Variants in SNTA1 observed in about 807,000 individuals in gnomAD.
SNTA1 encodes the protein alpha-1-syntrophin.
Under a neutral mutation model 47.1 loss-of-function variants are expected in SNTA1, and 31 were observed. The observed-to-expected ratio is 0.66, with a 90% confidence interval of 0.49 to 0.89. SNTA1 has a LOEUF of 0.89. SNTA1 is among the 40% of genes least tolerant of loss of function. The pLI is 0.00. For synonymous variants in SNTA1, 300 were observed against 313.6 expected, an observed-to-expected ratio of 0.96 and a Z score of 0.46; for missense variants, 575 against 693.0, an observed-to-expected ratio of 0.83 and a Z score of 1.91.
chr20:33,412,243 G>A (rs1209554151), intron 5 of SNTA1, 53 bp downstream of exon 5: 1 of 1,580,020 alleles, frequency 6.3e-7, no homozygotes, highest in Admixed American at 1.8e-5. Flanking sequence ...GGCCCTGCTG[G>A]AGCATCTCCT....
intron 2 of SNTA1, among the ~76,000 whole-genome samples, chr20:33,427,012 G>C (rs557304272): frequency 8.8e-4 from 130 of 147,566 alleles, no homozygotes; most frequent in Middle Eastern, 3.5e-3. Flanking sequence ...AAAGTGAGCT[G>C]TGATTGTGCC....
At position 33,410,300 on chromosome 20, in the gene SNTA1, C is replaced by T. The variant is rs772034732; in HGVS notation, c.1072G>A (p.Val358Met). 1 of 1,610,056 alleles carries T rather than the reference C, an allele frequency of 6.2e-7. No homozygotes were observed. The highest frequency in any genetic ancestry group is 8.5e-7 in the Non-Finnish European group (1 of 1,178,894). ...LVHSGPSKGS[V>M]PYDAELSFAL... The stretch of plus-strand genomic sequence containing the variant: ...AAAGAGAGCTCTGCATCGTAGGGCA[C>T]TGAGCCCTTGGAGGGGCCTGAGTGC... Residue 358 changes from valine (V) to methionine (M), a missense_variant, in exon 6 of 8, where the codon GTG (valine) becomes ATG (methionine). Val to Met is a conservative substitution (Grantham distance 21). Transcript: ENST00000217381.
Position 33,408,787 on chromosome 20 carries a change from G to C in SNTA1, c.1339C>G (p.Arg447Gly). Residue 447 changes from arginine to glycine, a missense_variant, in exon 7 of 8, where the codon CGA (arginine) becomes GGA (glycine). Physicochemically the swap from Arg to Gly is moderately radical, Grantham distance 125. Coordinates refer to ENST00000217381, the MANE Select transcript of SNTA1 (RefSeq NM_003098.3). ...EPGAARAVLL[R>G]QPFEKLQMSS... ...ATCTGCAGCTTCTCGAAGGGCTGTCGCAGGAGCACAGCTCGGGCTGCACCT... is the reference window on the plus strand; with the variant it reads ...ATCTGCAGCTTCTCGAAGGGCTGTCCCAGGAGCACAGCTCGGGCTGCACCT... 1 of 1,614,060 alleles carries C rather than the reference G, an allele frequency of 6.2e-7. No individual in the cohort carries two copies. The highest frequency in any genetic ancestry group is 8.5e-7 in the Non-Finnish European group (1 of 1,179,912).
intron 1 of SNTA1, among the ~76,000 whole-genome samples, chr20:33,440,089 C>A (rs548339397): frequency 6.6e-6 from 1 of 151,742 alleles, no homozygotes; most frequent in East Asian, 1.9e-4. Flanking sequence ...CACGCCATTG[C>A]TCTCTAGCCT....
intron 3 of SNTA1, among the ~76,000 whole-genome samples, chr20:33,417,274 C>T (rs1989900459): frequency 6.6e-6 from 1 of 152,082 alleles, no homozygotes; most frequent in African/African-American, 2.4e-5. Flanking sequence ...TCAGTATTAT[C>T]AATGAACTGT....
intron 2 of SNTA1, among the ~76,000 whole-genome samples, chr20:33,419,445 T>A (rs930302768): frequency 6.6e-6 from 1 of 152,192 alleles, no homozygotes; most frequent in Non-Finnish European, 1.5e-5. Context: ...AAGAGGGAGT[T>A]ACAAACCCTA....
intron 2 of SNTA1, among the ~76,000 whole-genome samples, chr20:33,431,996 G>A (rs1381319114): frequency 6.6e-6 from 1 of 152,174 alleles, no homozygotes; most frequent in Non-Finnish European, 1.5e-5. Flanking sequence ...AGTTTTGTTT[G>A]TGGGGAGTCA....
chr20:33,424,704 G>C (rs1305816767), intron 2 of SNTA1, among the ~76,000 whole-genome samples: 1 of 151,410 alleles, frequency 6.6e-6, no homozygotes, highest in Non-Finnish European at 1.5e-5. Context: ...TGTAGAGATG[G>C]GGTTTTGTCT....
chr20:33,423,005 G>A (rs1161125761), intron 2 of SNTA1, among the ~76,000 whole-genome samples: 1 of 152,054 alleles, frequency 6.6e-6, no homozygotes, highest in African/African-American at 2.4e-5. Flanking sequence ...TCCCCAACTA[G>A]GCTGAGAGCA....
At chr20:33,430,040 TA>T (rs1045723588) in intron 2 of SNTA1, among the ~76,000 whole-genome samples, 1 of 152,176 alleles carries the variant, frequency 6.6e-6, no homozygotes, top group African/African-American at 2.4e-5. Context: ...AAATCTAGTT[TA>T]TTTTTCAAAA....
At chr20:33,409,957 G>C (rs777243025) in intron 6 of SNTA1, among the ~76,000 whole-genome samples, 178 bp downstream of exon 6, 1 of 152,110 alleles carries the variant, frequency 6.6e-6, no homozygotes, top group Non-Finnish European at 1.5e-5. Flanking sequence ...GTAGAGACAG[G>C]GTTTTGCCAT....
chr20:33,417,688 C>T, intron 3 of SNTA1, 31 bp downstream of exon 3: 1 of 1,527,944 alleles, frequency 6.5e-7, no homozygotes, highest in Non-Finnish European at 9.1e-7. Flanking sequence ...GGGCATCTGT[C>T]CATCTGAGTT....
In SNTA1 at chr20:33,407,959, C is replaced by G. The variant is rs1356817541; in HGVS notation, c.*548G>C. 3 of 197,606 alleles carry G rather than the reference C, an allele frequency of 1.5e-5. No individual in the cohort carries two copies. Among genetic ancestry groups the G allele is most frequent in the African/African-American group, 4.6e-5 (2 of 43,120 alleles). 12.2% of individuals were successfully genotyped at this position (197,606 alleles called of 1,614,324 possible). ...AAGGCCAAGGCACAGACCACATACA[C>G]TGGGCCGGGCTGCCTGTGTGCTCAC... On this transcript the variant is annotated 3_prime_UTR_variant, in exon 8 of 8. Coordinates refer to ENST00000217381, the MANE Select transcript of SNTA1 (RefSeq NM_003098.3).
chr20:33,408,890 T>G lies in SNTA1; in HGVS notation c.1238-2A>C. 6.2e-7 allele frequency: 1 copy of G among 1,613,750 alleles called. No individual in the cohort carries two copies. Among genetic ancestry groups the G allele is most frequent in the Non-Finnish European group, 8.5e-7 (1 of 1,179,942 alleles). On this transcript the variant is annotated splice_acceptor_variant, in intron 6 of 7. Coordinates refer to ENST00000217381, the MANE Select transcript of SNTA1 (RefSeq NM_003098.3). LOFTEE classifies it high-confidence loss of function. The stretch of plus-strand genomic sequence containing the variant: ...AGGGACGCCCATTCCACGTGCAGGC[T>G]GCAGGGAGGGCACATAGGTACAGGC...
intron 1 of SNTA1, 34 bp from the exon 2 acceptor site, chr20:33,439,060 C>T (rs777850134): frequency 6.3e-7 from 1 of 1,580,604 alleles, no homozygotes; most frequent in Non-Finnish European, 8.7e-7. Flanking sequence ...AAGACTTAGG[C>T]AGATACTCCA....
intron 1 of SNTA1, among the ~76,000 whole-genome samples, chr20:33,440,415 A>G (rs1990550553): frequency 6.6e-6 from 1 of 152,164 alleles, no homozygotes; most frequent in Non-Finnish European, 1.5e-5. Context: ...AGATTGCACC[A>G]TTGCACTCCA....
At chr20:33,417,437 G>A (rs920856737) in intron 3 of SNTA1, among the ~76,000 whole-genome samples, 5 of 152,154 alleles carry the variant, frequency 3.3e-5, no homozygotes, top group Non-Finnish European at 1.5e-5. Context: ...GGTCAGTGAG[G>A]AAAAGGGCCT....
intron 2 of SNTA1, among the ~76,000 whole-genome samples, chr20:33,431,730 T>C (rs1403886863): frequency 1.3e-5 from 2 of 152,006 alleles, no homozygotes; most frequent in Admixed American, 1.3e-4. Flanking sequence ...GCCTGGGCAA[T>C]GGAGCGAGAC....
At chr20:33,441,488 C>T (rs1467560011) in intron 1 of SNTA1, among the ~76,000 whole-genome samples, 1 of 152,112 alleles carries the variant, frequency 6.6e-6, no homozygotes, top group African/African-American at 2.4e-5. Flanking sequence ...CACACAGGCC[C>T]GACCGTTTGC....
Sources: gnomAD v4.1 joint callset for allele counts (sites outside exome capture counted in the v4.1 genomes callset) on GRCh38, gnomAD v4.1.1 for gene constraint, MANE v1.5 for transcripts, NCBI Gene and HGNC (gene_info 2026-07-23, HGNC 2026-07-21) for gene names.